The following FAM222B variants were observed in gnomAD, a reference collection of about 807,000 sequenced individuals.
FAM222B encodes the protein protein FAM222B.
Under a neutral mutation model 38.0 loss-of-function variants are expected in FAM222B, and 12 were observed. The observed-to-expected ratio is 0.32, with a 90% CI of 0.20 to 0.51. FAM222B has a LOEUF of 0.51. FAM222B is among the 20% of genes least tolerant of loss of function. The pLI is 0.97. For missense variants in FAM222B, 716 were observed against 754.2 expected (o/e 0.95, Z 0.59); for synonymous variants, 329 against 317.2 (o/e 1.04, Z -0.40).
rs915295228 is a variant in FAM222B, at chr17:28,816,552, C to CA, written c.-41+26129dup. Among the ~76,000 whole-genome samples, 357 of 143,174 alleles carry CA rather than the reference C, an allele frequency of 2.5e-3. 7 individuals carry two copies. Among genetic ancestry groups the CA allele is most frequent in the Admixed American group, 0.018 (260 of 14,290 alleles). The allele number at this position is 143,174 out of a possible 152,430, so 93.9% of individuals were successfully genotyped here. ...TTTCCTAAATGGCATTTATAACAACCAAAAAAAAAATAAATAAAATGTAAC... is the reference window on the plus strand; with the variant it reads ...TTTCCTAAATGGCATTTATAACAACCAAAAAAAAAAATAAATAAAATGTAAC... On this transcript the variant is annotated intron_variant, in intron 1 of 2. Transcript: ENST00000581407.
At chr17:28,769,589 G>A (rs1428544527) in intron 1 of FAM222B, among the ~76,000 whole-genome samples, 2 of 152,162 alleles carry the variant, frequency 1.3e-5, no homozygotes, top group East Asian at 1.9e-4. Flanking sequence ...GAGCCACCGC[G>A]CCCGGCCAAT....
intron 1 of FAM222B, among the ~76,000 whole-genome samples, chr17:28,770,744 G>A (rs1294067587): frequency 1.3e-5 from 2 of 151,684 alleles, no homozygotes; most frequent in African/African-American, 4.8e-5. Flanking sequence ...CTAATTTTTT[G>A]TATTTTTAGT....
chr17:28,844,434 C>T (rs1404530758), upstream of FAM222B, among the ~76,000 whole-genome samples: 2 of 151,990 alleles, frequency 1.3e-5, no homozygotes, highest in African/African-American at 4.8e-5. Flanking sequence ...CCGAGGCGGG[C>T]GGATCATGAG....
At chr17:28,802,905 T>C (rs1427421442) in intron 1 of FAM222B, 1 of 152,232 alleles carries the variant, frequency 6.6e-6, no homozygotes, top group African/African-American at 2.4e-5. Context: ...ACACACTGAC[T>C]ATTCTAAATG....
In FAM222B at chr17:28,811,982, A is replaced by G. The variant is rs548364811; in HGVS notation, c.-41+30700T>C. On this transcript the variant is annotated intron_variant, in intron 1 of 2. Transcript: ENST00000581407. ...TCTTTTCTTCTCTGTGCATTTTACTATGCGACCGATATCGACACATCAGTA... is the reference window on the plus strand; with the variant it reads ...TCTTTTCTTCTCTGTGCATTTTACTGTGCGACCGATATCGACACATCAGTA... Among the ~76,000 whole-genome samples, 16 of 152,188 alleles carry G rather than the reference A, an allele frequency of 1.1e-4. No individual in the cohort carries two copies. The South Asian group carries it at 1.9e-3, about 18-fold the overall frequency.
intron 1 of FAM222B, among the ~76,000 whole-genome samples, chr17:28,835,280 C>G (rs2038803899): frequency 6.6e-6 from 1 of 152,052 alleles, no homozygotes; most frequent in Non-Finnish European, 1.5e-5. Context: ...CATGATCCGC[C>G]CACCTCGGCC....
At chr17:28,799,827 T>C (rs2037134944) in intron 1 of FAM222B, among the ~76,000 whole-genome samples, 1 of 152,148 alleles carries the variant, frequency 6.6e-6, no homozygotes, top group African/African-American at 2.4e-5. Context: ...AGGCTGGTCT[T>C]GAACTCCTAG....
chr17:28,796,691 G>A (rs1273916744), intron 1 of FAM222B, among the ~76,000 whole-genome samples: 6 of 151,722 alleles, frequency 4.0e-5, no homozygotes, highest in Non-Finnish European at 8.8e-5. Context: ...CAGGCAAATG[G>A]CATTGTTGAT....
At chr17:28,850,120 A>G (rs1162598904) in intron 1 of FAM222B, among the ~76,000 whole-genome samples, 1 of 151,566 alleles carries the variant, frequency 6.6e-6, no homozygotes, top group Non-Finnish European at 1.5e-5. Context: ...TATTTAAGCT[A>G]TTGTCCTATT....
chr17:28,853,584 A>G (rs1038445241), intron 1 of FAM222B, among the ~76,000 whole-genome samples: 1 of 152,170 alleles, frequency 6.6e-6, no homozygotes, highest in Non-Finnish European at 1.5e-5. Flanking sequence ...CTATATAAAT[A>G]GTTGTTATAC....
intron 1 of FAM222B, among the ~76,000 whole-genome samples, chr17:28,824,216 A>C: frequency 1.4e-5 from 2 of 144,404 alleles, no homozygotes. Context: ...ACAAGTTATC[A>C]CTCTGTTGCC....
intron 1 of FAM222B, among the ~76,000 whole-genome samples, chr17:28,786,644 G>A (rs1028746257): frequency 2.0e-5 from 3 of 152,024 alleles, no homozygotes; most frequent in Admixed American, 6.6e-5. Flanking sequence ...CATACAGCCC[G>A]CCCAGGTCTC....
At chr17:28,784,490 T>TCA (rs2036304686) in intron 1 of FAM222B, among the ~76,000 whole-genome samples, 2 of 24,692 alleles carry the variant, frequency 8.1e-5, no homozygotes, top group Admixed American at 7.6e-4. Flanking sequence ...ATCCCCTCTC[T>TCA]TAAAAAAAAA....
chr17:28,762,746 G>A (rs2035144567), intron 2 of FAM222B, among the ~76,000 whole-genome samples: 1 of 151,666 alleles, frequency 6.6e-6, no homozygotes, highest in Non-Finnish European at 1.5e-5. Flanking sequence ...AGACCAGCCT[G>A]GCCAAGATGG....
At chr17:28,771,809 C>T (rs2035647321) in intron 1 of FAM222B, among the ~76,000 whole-genome samples, 1 of 152,170 alleles carries the variant, frequency 6.6e-6, no homozygotes. Context: ...AATCTCAGCA[C>T]TTTGGGAGGC....
In FAM222B at chr17:28,758,538, G is replaced by A. The variant is rs373643100; in HGVS notation, c.1421C>T (p.Pro474Leu). 5 of 1,610,468 alleles carry A rather than the reference G, an allele frequency of 3.1e-6. No individual in the cohort carries two copies. Among genetic ancestry groups the A allele is most frequent in the South Asian group, 2.2e-5 (2 of 91,090 alleles). The change falls in exon 3 of 3, where the codon CCG becomes CTG. Residue 474 changes from proline to leucine, a missense_variant. Coordinates refer to ENST00000581407, the MANE Select transcript of FAM222B (RefSeq NM_001077498.3). ...DSSGSQDLAMPFHGGQPTGAP... is the reference protein window; with the variant it reads ...DSSGSQDLAMLFHGGQPTGAP... ...ACCTGTGGGCTGCCCACCGTGGAAC[G>A]GCATGGCAAGGTCCTGAGACCCCGA...
chr17:28,816,411 T>C (rs1219928120), intron 1 of FAM222B, among the ~76,000 whole-genome samples: 3 of 152,110 alleles, frequency 2.0e-5, no homozygotes, highest in Non-Finnish European at 2.9e-5. Flanking sequence ...AACATAAACA[T>C]CTCTCAAAAA....
At chr17:28,814,244 C>G (rs997891871) in intron 1 of FAM222B, among the ~76,000 whole-genome samples, 1 of 151,896 alleles carries the variant, frequency 6.6e-6, no homozygotes, top group Admixed American at 6.6e-5. Context: ...CCTAGAATGT[C>G]ATTTTTATTC....
At chr17:28,775,939 G>C (rs2035873102) in intron 1 of FAM222B, among the ~76,000 whole-genome samples, 2 of 151,736 alleles carry the variant, frequency 1.3e-5, no homozygotes, top group African/African-American at 4.8e-5. Context: ...AGCCGGGCAT[G>C]GTGGTGTGCA....
Sources: allele counts gnomAD v4.1 joint callset (sites outside exome capture counted in the v4.1 genomes callset), GRCh38; gene constraint gnomAD v4.1.1; transcripts MANE v1.5; gene names NCBI Gene and HGNC (gene_info 2026-07-23, HGNC 2026-07-21).